EIF4B: variants seen among roughly 807,000 people sequenced by gnomAD.
The protein encoded by EIF4B is eukaryotic translation initiation factor 4B.
In EIF4B, 8 loss-of-function variants were observed where a neutral mutation model predicts 79.3. The ratio of observed to expected loss-of-function variants is 0.10; its 90% CI spans 0.06 to 0.18. The LOEUF (loss-of-function observed/expected upper bound fraction) is 0.18. Ranked by LOEUF, EIF4B falls within the 10% of genes least tolerant of loss-of-function variation. The pLI, the probability that EIF4B is intolerant of heterozygous loss-of-function variation, is 1.00. For synonymous variants in EIF4B, 238 were observed against 274.7 expected (o/e 0.87, Z 1.32); for missense variants, 515 against 792.4 (o/e 0.65, Z 4.20).
Position 53,039,637 on chromosome 12 carries a change from G to T in EIF4B, c.1690G>T (p.Gly564Cys), listed in dbSNP as rs375653947. 1.4e-5 allele frequency: 22 copies of T among 1,613,572 alleles called. No individual in the cohort carries two copies. Among genetic ancestry groups the T allele is most frequent in the African/African-American group, 2.7e-5 (2 of 74,860 alleles). The change falls in exon 14 of 15, where the codon GGC (glycine) becomes TGC (cysteine). Residue 564 changes from glycine (G) to cysteine (C), a missense_variant. By Grantham distance (159) the Gly-to-Cys change is radical. Around this residue, in one of 6 missense-constraint regions of EIF4B, gnomAD observed 60 missense variants for 56.7 expected, o/e 1.06. Transcript: ENST00000262056. The part of the protein sequence containing the change: ...DHWKESDRKD[G>C]KKDQDSRSAP... ...ATGCTTACGTCTCTGCAGGAAAGAT[G>T]GCAAAAAGGATCAAGACTCCAGATC...
chr12:53,009,013 C>CA (rs1235326340), intron 1 of EIF4B, among the ~76,000 whole-genome samples: 1 of 152,076 alleles, frequency 6.6e-6, no homozygotes, highest in African/African-American at 2.4e-5. Context: ...CCAGCCTGGG[C>CA]AAAAGAGCAA....
chr12:53,022,388 C>T (rs1169196306), intron 5 of EIF4B, 105 bp from the exon 6 acceptor site: 9 of 1,499,150 alleles, frequency 6.0e-6, no homozygotes, highest in African/African-American at 1.4e-5. Flanking sequence ...GACAGTGTGA[C>T]GTGAAAGTGA....
At chr12:53,012,444 C>T (rs981284581) in intron 1 of EIF4B, among the ~76,000 whole-genome samples, 3 of 151,448 alleles carry the variant, frequency 2.0e-5, no homozygotes, top group Non-Finnish European at 4.4e-5. Context: ...ATCCTCGCTA[C>T]TTGGGAGGCT....
At chr12:53,040,082 C>T (rs1943606487) in intron 14 of EIF4B, 61 bp from the exon 15 acceptor site, 1 of 1,585,648 alleles carries the variant, frequency 6.3e-7, no homozygotes, top group African/African-American at 1.3e-5. Flanking sequence ...TATCCTGTGT[C>T]TTGGGTTTTG....
intron 8 of EIF4B, among the ~76,000 whole-genome samples, chr12:53,029,119 T>C (rs1386326902): frequency 2.0e-5 from 1 of 49,864 alleles, no homozygotes; most frequent in Non-Finnish European, 7.7e-5. Flanking sequence ...TGAGACTGTC[T>C]CAAAAAAAAA....
In EIF4B at chr12:53,016,558, T is replaced by C. The variant is rs201322648; in HGVS notation, c.99T>C (p.Tyr33=). The C allele has an allele frequency of 7.4e-6, 12 of 1,613,388 alleles. No individual in the cohort carries two copies. Among genetic ancestry groups the C allele is most frequent in the Admixed American group, 6.7e-5 (4 of 59,824 alleles). ...EDGGTGGGST[Y]VSKPVSWADE... is the part of the protein sequence containing the mutation. Reference sequence around the variant, plus strand: ...GGGGTACTGGTGGAGGAAGCACCTATGTTTCCAAACCAGTCAGCTGGGCTG... The same window carrying C: ...GGGGTACTGGTGGAGGAAGCACCTACGTTTCCAAACCAGTCAGCTGGGCTG... The change falls in exon 2 of 15, where the codon TAT becomes TAC. Residue 33 remains tyrosine, a synonymous_variant. Coordinates refer to ENST00000262056, the MANE Select transcript of EIF4B (RefSeq NM_001417.7).
chr12:53,014,715 C>T (rs1226464154), intron 1 of EIF4B: 1 of 152,118 alleles, frequency 6.6e-6, no homozygotes, highest in African/African-American at 2.4e-5. Flanking sequence ...TTCAGTTAAA[C>T]AAAGGGGTAC....
At chr12:53,022,141 T>A in intron 5 of EIF4B, 3 of 656,390 alleles carry the variant, frequency 4.6e-6, no homozygotes, top group Non-Finnish European at 8.2e-6. Context: ...CCAAAATGCA[T>A]GTCAAGATTG....
At chr12:53,030,248 C>T (rs1943411309) in intron 8 of EIF4B, among the ~76,000 whole-genome samples, 1 of 102,184 alleles carries the variant, frequency 9.8e-6, no homozygotes, top group South Asian at 3.6e-4. Context: ...AGCGTGGTAG[C>T]ATGTGCCTGT....
At chr12:53,027,750 A>C in intron 6 of EIF4B, 32 bp from the exon 7 acceptor site, 1 of 1,595,910 alleles carries the variant, frequency 6.3e-7, no homozygotes, top group Non-Finnish European at 8.6e-7. Flanking sequence ...GTCAGAGAAA[A>C]GGGGATGGTG....
At chr12:53,025,202 A>G (rs1592221295) in intron 6 of EIF4B, 1 of 455,836 alleles carries the variant, frequency 2.2e-6, no homozygotes. Flanking sequence ...TTCAGCATTT[A>G]TGCAAGAGAT....
At chr12:53,027,039 C>T (rs1016905430) in intron 6 of EIF4B, among the ~76,000 whole-genome samples, 1 of 150,918 alleles carries the variant, frequency 6.6e-6, no homozygotes. Flanking sequence ...CCTATAATCC[C>T]AGCACTTTGG....
Position 53,018,840 on chromosome 12 carries a change from C to T in EIF4B, c.194C>T (p.Ala65Val), listed in dbSNP as rs764677800. Residue 65 changes from alanine (A) to valine (V), a missense_variant, in exon 3 of 15, where the codon GCG (alanine) becomes GTG (valine). By Grantham distance (64) the Ala-to-Val change is moderately conservative (BLOSUM62 0). Around this residue, in one of 6 missense-constraint regions of EIF4B, gnomAD observed 105 missense variants for 177.2 expected, o/e 0.59. Coordinates refer to ENST00000262056, the MANE Select transcript of EIF4B (RefSeq NM_001417.7). ...AGTAACGATGACGATGTGTATAGGG[C>T]GCCTCCAATTGACCGTTCCATCCTT... ...WHSNDDDVYRAPPIDRSILPT... is the reference protein window; with the variant it reads ...WHSNDDDVYRVPPIDRSILPT... 10 of 1,613,396 alleles carry T rather than the reference C, an allele frequency of 6.2e-6. No individual in the cohort carries two copies. The highest frequency in any genetic ancestry group is 1.8e-4 in the Middle Eastern group (1 of 5,620).
In EIF4B at chr12:53,037,473, C is replaced by T. The variant is rs767163647; in HGVS notation, c.1371C>T (p.Cys457=). 1 of 1,613,316 alleles carries T rather than the reference C, an allele frequency of 6.2e-7. No homozygotes were observed. The highest frequency in any genetic ancestry group is 2.2e-5 in the East Asian group (1 of 44,886). The part of the protein sequence containing the change: ...ENETLNKEED[C]HSPTSKPPKP... Reference sequence around the variant, plus strand: ...AAACACTCAATAAGGAGGAAGATTGCCACTCTCCAACTTCTAAACCTCCCA... The same window carrying T: ...AAACACTCAATAAGGAGGAAGATTGTCACTCTCCAACTTCTAAACCTCCCA... The change falls in exon 11 of 15, where the codon TGC becomes TGT. Residue 457 remains cysteine, a synonymous_variant. Transcript: ENST00000262056.
chr12:53,039,780 A>T, intron 14 of EIF4B, 78 bp downstream of exon 14: 3 of 1,469,836 alleles, frequency 2.0e-6, no homozygotes, highest in South Asian at 2.5e-5. Flanking sequence ...CTAAGAATTA[A>T]AAATTCTTAG....
At chr12:53,030,324 T>A (rs1943412520) in intron 8 of EIF4B, among the ~76,000 whole-genome samples, 1 of 147,780 alleles carries the variant, frequency 6.8e-6, no homozygotes, top group Non-Finnish European at 1.5e-5. Context: ...AGGCTGCAGT[T>A]AGCCAAGGTC....
At chr12:53,017,583 T>A (rs1049800669) in intron 2 of EIF4B, among the ~76,000 whole-genome samples, 8 of 152,152 alleles carry the variant, frequency 5.3e-5, no homozygotes, top group Admixed American at 2.6e-4. Context: ...ATGACCTGTT[T>A]TCATAATTCC....
At chr12:53,020,097 A>G (rs1943223868) in intron 4 of EIF4B, 71 bp downstream of exon 4, 1 of 1,321,492 alleles carries the variant, frequency 7.6e-7, no homozygotes, top group African/African-American at 1.5e-5. Flanking sequence ...TCAAACTGGT[A>G]TTTTTTAGGT....
chr12:53,021,705 C>G (rs1943249148), intron 4 of EIF4B, 101 bp from the exon 5 acceptor site: 2 of 1,344,306 alleles, frequency 1.5e-6, no homozygotes, highest in African/African-American at 2.9e-5. Context: ...CCTTTATCTT[C>G]CTTCCCCTAG....
Sources: gnomAD v4.1 joint callset for allele counts (sites outside exome capture counted in the v4.1 genomes callset) on GRCh38, gnomAD v4.1.1 for gene constraint, gnomAD v4.1.1 regional missense constraint, MANE v1.5 for transcripts, NCBI Gene and HGNC (gene_info 2026-07-23, HGNC 2026-07-21) for gene names.